PRPS2: variants seen among roughly 807,000 people sequenced by gnomAD.
PRPS2 encodes phosphoribosyl pyrophosphate synthetase 2.
For synonymous variants in PRPS2, 111 were observed against 115.3 expected (o/e 0.96, Z 0.24); for missense variants, 104 against 271.5 (o/e 0.38, Z 4.34).
rs148057913 is a variant in PRPS2 at position 12,822,959 on chromosome X, G to T, written c.*163G>T. On this transcript the variant is annotated 3_prime_UTR_variant, in exon 7 of 7. Transcript: ENST00000380668. The stretch of plus-strand genomic sequence containing the variant: ...TATTGTTTCCCCTTCTAAAGCTCAA[G>T]ATCATTTCTTTCCAGTTTTTGGGGA... The T allele has an allele frequency of 4.0e-3, 1,757 of 436,732 alleles. 27 individuals carry two copies. Among genetic ancestry groups the T allele is most frequent in the African/African-American group, 0.037 (1,512 of 40,381 alleles). 36.0% of individuals were successfully genotyped at this position (436,732 alleles called of 1,213,427 possible).
chrX:12,815,397 G>A (rs1409301329), intron 4 of PRPS2, among the ~76,000 whole-genome samples: 4 of 111,057 alleles, frequency 3.6e-5, no homozygotes, highest in East Asian at 2.8e-4. Context: ...TAACTTCTCC[G>A]GTATAGAACT....
intron 4 of PRPS2, among the ~76,000 whole-genome samples, chrX:12,813,948 T>C (rs184892725): frequency 9.0e-6 from 1 of 111,226 alleles, no homozygotes; most frequent in African/African-American, 3.3e-5. Flanking sequence ...GAGTCATCCT[T>C]CTCTTAAAAT....
intron 1 of PRPS2, among the ~76,000 whole-genome samples, chrX:12,796,429 C>T (rs1157550653): frequency 9.1e-6 from 1 of 110,331 alleles, no homozygotes; most frequent in African/African-American, 3.3e-5. Flanking sequence ...CCATGTTAGG[C>T]TGGTCTAGAA....
intron 4 of PRPS2, 55 bp from the exon 5 acceptor site, chrX:12,819,452 T>G: frequency 8.7e-7 from 1 of 1,149,958 alleles, no homozygotes; most frequent in Non-Finnish European, 1.2e-6. Context: ...AATACAACTT[T>G]AAAGGCGAGA....
chrX:12,791,689 C>G (rs1204069560), intron 1 of PRPS2, 70 bp downstream of exon 1: 1 of 861,450 alleles, frequency 1.2e-6, no homozygotes, highest in African/African-American at 2.2e-5. Flanking sequence ...GGTTGGGGGC[C>G]GGCGCCTGCC....
intron 4 of PRPS2, chrX:12,810,433 C>T (rs1196845257): frequency 3.5e-6 from 1 of 286,450 alleles, no homozygotes; most frequent in Non-Finnish European, 6.1e-6. Flanking sequence ...TTTAAGTTAT[C>T]GTTTTCTGAT....
At chrX:12,810,355 C>T (rs1325268978) in intron 4 of PRPS2, 4 of 428,947 alleles carry the variant, frequency 9.3e-6, no homozygotes, top group Non-Finnish European at 1.6e-5. Context: ...AATACAGAGA[C>T]ACACATACAC....
intron 1 of PRPS2, among the ~76,000 whole-genome samples, chrX:12,798,254 C>T (rs1010615092): frequency 8.9e-6 from 1 of 112,496 alleles, no homozygotes; most frequent in African/African-American, 3.2e-5. Context: ...AAGTTAATTG[C>T]ATGGCAGAGC....
chrX:12,808,004 A>T (rs2042602540), intron 2 of PRPS2, among the ~76,000 whole-genome samples: 1 of 107,243 alleles, frequency 9.3e-6, no homozygotes, highest in African/African-American at 3.4e-5. Context: ...AGTAGTTGGG[A>T]CTACAGGCGC....
Position 12,791,421 on chromosome X carries a change from G to T in PRPS2, c.-77G>T. The stretch of plus-strand genomic sequence containing the variant: ...GCGCTTTCCCGCTCCCGCAGCAGCA[G>T]CCTCCCGCGTCGCTGTCGCTGTTGC... On this transcript the variant is annotated 5_prime_UTR_variant, in exon 1 of 7. Coordinates refer to ENST00000380668, the MANE Select transcript of PRPS2 (RefSeq NM_002765.5). 8.9e-7 allele frequency: 1 copy of T among 1,122,513 alleles called. No homozygotes were observed. Among genetic ancestry groups the T allele is most frequent in the Non-Finnish European group, 1.2e-6 (1 of 843,176 alleles). 92.5% of individuals were successfully genotyped at this position (1,122,513 alleles called of 1,213,427 possible).
chrX:12,815,495 C>G (rs2042643097), intron 4 of PRPS2, among the ~76,000 whole-genome samples: 1 of 111,873 alleles, frequency 8.9e-6, no homozygotes, highest in Admixed American at 9.5e-5. Flanking sequence ...ACCAAATAAG[C>G]AGACGGTAAT....
chrX:12,821,972 T>C (rs1313306495), intron 6 of PRPS2, among the ~76,000 whole-genome samples: 3 of 106,417 alleles, frequency 2.8e-5, no homozygotes, highest in Non-Finnish European at 5.9e-5. Context: ...ATCACAGTGA[T>C]CTGCTTCATG....
At chrX:12,808,728 C>T (rs975803415) in intron 2 of PRPS2, among the ~76,000 whole-genome samples, 1 of 112,121 alleles carries the variant, frequency 8.9e-6, no homozygotes, top group Non-Finnish European at 1.9e-5. Context: ...TTCTTTTAGC[C>T]TCTGGCTGTG....
At position 12,791,430 on chromosome X, in the gene PRPS2, G is replaced by T; in HGVS notation, c.-68G>T. The T allele has an allele frequency of 8.8e-7, 1 of 1,138,334 alleles. No individual in the cohort carries two copies. 93.8% of individuals were successfully genotyped at this position (1,138,334 alleles called of 1,213,427 possible). ...CGCTCCCGCAGCAGCAGCCTCCCGC[G>T]TCGCTGTCGCTGTTGCCTCCGCCAC... is the stretch of plus-strand genomic sequence containing the variant. On this transcript the variant is annotated 5_prime_UTR_variant, in exon 1 of 7. Coordinates refer to ENST00000380668, the MANE Select transcript of PRPS2 (RefSeq NM_002765.5).
chrX:12,818,538 G>A (rs933506170), intron 4 of PRPS2, among the ~76,000 whole-genome samples: 2 of 110,305 alleles, frequency 1.8e-5, no homozygotes, highest in Non-Finnish European at 3.8e-5. Context: ...ATTCCTGGTC[G>A]TCATCTGAGG....
intron 1 of PRPS2, among the ~76,000 whole-genome samples, chrX:12,791,918 G>T (rs2042521344): frequency 8.9e-6 from 1 of 112,940 alleles, no homozygotes; most frequent in East Asian, 2.8e-4. Flanking sequence ...GGTGCCGCCC[G>T]GCCTGGCGTC....
At chrX:12,821,218 C>T (rs758608459) in intron 6 of PRPS2, among the ~76,000 whole-genome samples, 7 of 111,955 alleles carry the variant, frequency 6.3e-5, no homozygotes, top group East Asian at 2.8e-4. Flanking sequence ...TGGCCATCAA[C>T]GGACAAACAG....
chrX:12,813,675 C>T (rs747326369), intron 4 of PRPS2, among the ~76,000 whole-genome samples: 1 of 111,069 alleles, frequency 9.0e-6, no homozygotes, highest in South Asian at 3.8e-4. Flanking sequence ...AGTGCCCTCA[C>T]CAGGGTATGT....
chrX:12,814,071 C>G (rs1039888202), intron 4 of PRPS2, among the ~76,000 whole-genome samples: 8 of 104,009 alleles, frequency 7.7e-5, no homozygotes, highest in Admixed American at 3.1e-4. Context: ...CCCCCCCACC[C>G]CCGACTCTAC....
Sources: allele counts gnomAD v4.1 joint callset (sites outside exome capture counted in the v4.1 genomes callset), GRCh38; gene constraint gnomAD v4.1.1; transcripts MANE v1.5; gene names NCBI Gene and HGNC (gene_info 2026-07-23, HGNC 2026-07-21).